The following LIPM variants were observed in gnomAD, a reference collection of about 807,000 sequenced individuals.
LIPM encodes the protein lipase member M.
Under a neutral mutation model 42.4 loss-of-function variants are expected in LIPM, and 42 were observed. The observed-to-expected ratio is 0.99, with a 90% CI of 0.77 to 1.28. LIPM has a LOEUF of 1.28. Among genes scored for constraint, LIPM ranks in the 50% most tolerant of loss-of-function variants. The pLI, the probability that LIPM is intolerant of heterozygous loss-of-function variation, is 0.00. For synonymous variants in LIPM, 177 were observed against 173.3 expected, an observed-to-expected ratio of 1.02 and a Z score of -0.17; for missense variants, 524 against 520.1, an observed-to-expected ratio of 1.01 and a Z score of -0.07.
At chr10:88,816,692 A>G in intron 6 of LIPM, 124 bp from the exon 7 acceptor site, 1 of 638,526 alleles carries the variant, frequency 1.6e-6, no homozygotes, top group Non-Finnish European at 2.9e-6. Flanking sequence ...TGTTTCATAG[A>G]TAATTGCTGA....
intron 1 of LIPM, among the ~76,000 whole-genome samples, chr10:88,805,352 G>T (rs1021281199): frequency 6.6e-6 from 1 of 152,186 alleles, no homozygotes; most frequent in African/African-American, 2.4e-5. Context: ...TTGAGAGGGT[G>T]GTAGCAAAAA....
intron 1 of LIPM, among the ~76,000 whole-genome samples, chr10:88,804,074 A>G (rs1378706463): frequency 6.6e-6 from 1 of 152,218 alleles, no homozygotes; most frequent in Non-Finnish European, 1.5e-5. Flanking sequence ...AAGCTTCCTT[A>G]TATGGGTTCA....
chr10:88,808,999 G>T (rs1266363022), intron 2 of LIPM, among the ~76,000 whole-genome samples: 1 of 148,632 alleles, frequency 6.7e-6, no homozygotes, highest in Non-Finnish European at 1.5e-5. Flanking sequence ...TTGTTGCCCA[G>T]GCTGGAGTGC....
rs764846385 is a variant in LIPM, at chr10:88,813,160, A to G, written c.329A>G (p.Asn110Ser). Residue 110 changes from asparagine to serine, a missense_variant, in exon 3 of 9, where the codon AAC (asparagine) becomes AGC (serine). Asn to Ser is a conservative substitution (Grantham distance 46). Coordinates refer to ENST00000404743, the MANE Select transcript of LIPM (RefSeq NM_001128215.1). ...GGAGGTGCTAGCAACTGGATTTCCA[A>G]CCTGCCCAACAATAGCCTGGGCTTC... ...LVGGASNWIS[N>S]LPNNSLGFIL... The G allele has an allele frequency of 1.9e-6, 3 of 1,612,822 alleles. No individual in the cohort carries two copies. The highest frequency in any genetic ancestry group is 2.5e-6 in the Non-Finnish European group (3 of 1,179,306).
chr10:88,804,053 C>G (rs906225545), intron 1 of LIPM, among the ~76,000 whole-genome samples: 1 of 152,068 alleles, frequency 6.6e-6, no homozygotes. Context: ...GATTTAAGAC[C>G]CTTTCTACAG....
chr10:88,803,175 T>C, intron 1 of LIPM, 132 bp downstream of exon 1: 2 of 1,017,822 alleles, frequency 2.0e-6, no homozygotes, highest in Non-Finnish European at 2.8e-6. Flanking sequence ...AAGTAGCAAA[T>C]TGTACTGGAA....
At position 88,815,225 on chromosome 10, in the gene LIPM, G is replaced by T; in HGVS notation, c.711+1G>T. On this transcript the variant is annotated splice_donor_variant, in intron 5 of 8. Coordinates refer to ENST00000404743, the MANE Select transcript of LIPM (RefSeq NM_001128215.1). LOFTEE classifies it high-confidence loss of function. The stretch of plus-strand genomic sequence containing the variant: ...GTTGCTGCCAGATATGATGATCAAG[G>T]TATGAGACTCCTCAGAAAACTTCCT... 6.5e-7 allele frequency: 1 copy of T among 1,549,040 alleles called. No individual in the cohort carries two copies. The highest frequency in any genetic ancestry group is 8.7e-7 in the Non-Finnish European group (1 of 1,145,850).
chr10:88,818,713 C>T (rs777072134), intron 8 of LIPM, among the ~76,000 whole-genome samples: 19 of 152,032 alleles, frequency 1.2e-4, no homozygotes, highest in Non-Finnish European at 1.8e-4. Context: ...AATTAACATC[C>T]GCTGCCATAT....
At chr10:88,808,499 T>C (rs1386110242) in intron 2 of LIPM, 84 bp downstream of exon 2, 3 of 834,290 alleles carry the variant, frequency 3.6e-6, no homozygotes, top group Non-Finnish European at 5.9e-6. Context: ...GAAGAGAGCC[T>C]GGGTTCTTAG....
chr10:88,809,041 G>A (rs1312404244), intron 2 of LIPM, among the ~76,000 whole-genome samples: 4 of 151,592 alleles, frequency 2.6e-5, no homozygotes, highest in African/African-American at 9.7e-5. Flanking sequence ...CGCAACCTCC[G>A]CCTCCTGGGT....
intron 5 of LIPM, 40 bp from the exon 6 acceptor site, chr10:88,815,317 T>G (rs1163390870): frequency 6.5e-7 from 1 of 1,549,328 alleles, no homozygotes; most frequent in Non-Finnish European, 8.7e-7. Context: ...AGTCACATCT[T>G]TTCTGTCTGT....
chr10:88,820,457 G>A lies in LIPM; in HGVS notation c.1228G>A (p.Glu410Lys). 6.4e-7 allele frequency: 1 copy of A among 1,551,824 alleles called. No homozygotes were observed. Among genetic ancestry groups the A allele is most frequent in the Non-Finnish European group, 8.7e-7 (1 of 1,147,022 alleles). The change falls in exon 9 of 9, where the codon GAG becomes AAG. Residue 410 changes from glutamate to lysine, a missense_variant. Glu to Lys is a moderately conservative substitution (Grantham distance 56). Coordinates refer to ENST00000404743, the MANE Select transcript of LIPM (RefSeq NM_001128215.1). Reference protein sequence around the residue: ...YNEIIHLMQQEETNLSQGRCE... With the variant: ...YNEIIHLMQQKETNLSQGRCE... ...TGAAATCATCCATCTGATGCAGCAG[G>A]AGGAGACCAACCTTTCCCAGGGACG...
chr10:88,818,012 A>G, intron 8 of LIPM, 116 bp downstream of exon 8: 1 of 822,874 alleles, frequency 1.2e-6, no homozygotes, highest in Non-Finnish European at 1.9e-6. Context: ...TTAAGCAGAA[A>G]ATAATGGTTC....
chr10:88,818,022 C>T, intron 8 of LIPM, 126 bp downstream of exon 8: 1 of 736,582 alleles, frequency 1.4e-6, no homozygotes, highest in Non-Finnish European at 2.2e-6. Flanking sequence ...AATAATGGTT[C>T]ATGTTTGACT....
In LIPM at chr10:88,820,232, C is replaced by A; in HGVS notation, c.1003C>A (p.Pro335Thr). The change falls in exon 9 of 9, where the codon CCA becomes ACA. Residue 335 changes from proline (P) to threonine (T), a missense_variant and splice_region_variant. Transcript: ENST00000404743. ...ETKNLEKCNQ[P>T]TPVRYRVRDM... The stretch of plus-strand genomic sequence containing the variant: ...GTTAAGAACTATTCCTTTTCTCTAG[C>A]CAACTCCTGTAAGGTACAGAGTCAG... 1 of 1,547,800 alleles carries A rather than the reference C, an allele frequency of 6.5e-7. No individual in the cohort carries two copies. The highest frequency in any genetic ancestry group is 1.2e-5 in the South Asian group (1 of 83,752).
chr10:88,809,870 C>T (rs1843633320), intron 2 of LIPM, among the ~76,000 whole-genome samples: 1 of 152,160 alleles, frequency 6.6e-6, no homozygotes, highest in African/African-American at 2.4e-5. Flanking sequence ...AAATTTCTCC[C>T]TCTGGACCAC....
chr10:88,818,718 C>T (rs1290442102), intron 8 of LIPM, among the ~76,000 whole-genome samples: 2 of 152,102 alleles, frequency 1.3e-5, no homozygotes, highest in African/African-American at 4.8e-5. Flanking sequence ...ACATCCGCTG[C>T]CATATGTCTA....
At chr10:88,814,686 C>T in intron 4 of LIPM, 47 bp downstream of exon 4, 2 of 1,349,724 alleles carry the variant, frequency 1.5e-6, no homozygotes, top group Non-Finnish European at 1.0e-6. Flanking sequence ...GAAATGTGAG[C>T]ATACGACACT....
At chr10:88,808,709 T>C (rs750960924) in intron 2 of LIPM, among the ~76,000 whole-genome samples, 1 of 152,128 alleles carries the variant, frequency 6.6e-6, no homozygotes, top group Non-Finnish European at 1.5e-5. Flanking sequence ...ACTCCTCCTA[T>C]GTAGACATTC....
Sources: allele counts gnomAD v4.1 joint callset (sites outside exome capture counted in the v4.1 genomes callset), GRCh38; gene constraint gnomAD v4.1.1; transcripts MANE v1.5; gene names NCBI Gene and HGNC (gene_info 2026-07-23, HGNC 2026-07-21).